The following KALRN variants were observed in gnomAD, a reference collection of about 807,000 sequenced individuals.
KALRN encodes the protein kalirin RhoGEF kinase.
A neutral mutation model predicts 353.7 loss-of-function variants in KALRN; 70 were observed. That is an observed-to-expected ratio of 0.20 (90% confidence interval 0.16 to 0.24). KALRN has a LOEUF of 0.24. KALRN is among the 10% of genes least tolerant of loss of function. KALRN has a pLI of 1.00. For synonymous variants in KALRN, 1,391 were observed against 1,434.8 expected (o/e 0.97, Z 0.69); for missense variants, 2,791 against 3,756.7 (o/e 0.74, Z 6.72).
chr3:124,159,976 G>A (rs1408708271), intron 1 of KALRN, among the ~76,000 whole-genome samples: 2 of 151,768 alleles, frequency 1.3e-5, no homozygotes, highest in African/African-American at 2.4e-5. Flanking sequence ...AAACGAAAAC[G>A]AAACCCAAAG....
intron 4 of KALRN, among the ~76,000 whole-genome samples, chr3:124,267,458 G>A (rs899595027): frequency 1.3e-5 from 2 of 152,182 alleles, no homozygotes; most frequent in East Asian, 1.9e-4. Context: ...AGATTAGCAG[G>A]AGTTTGCAAC....
intron 1 of KALRN, among the ~76,000 whole-genome samples, chr3:124,146,505 A>G (rs2067343936): frequency 6.6e-6 from 1 of 152,144 alleles, no homozygotes; most frequent in Non-Finnish European, 1.5e-5. Context: ...GAAGCACTGG[A>G]CTGGAAATTT....
intron 12 of KALRN, among the ~76,000 whole-genome samples, chr3:124,395,934 T>C (rs183982221): frequency 6.6e-6 from 1 of 152,346 alleles, no homozygotes; most frequent in East Asian, 1.9e-4. Flanking sequence ...AAATCCTGTC[T>C]AAAATTTTTC....
intron 1 of KALRN, among the ~76,000 whole-genome samples, chr3:124,142,604 T>G (rs1489925329): frequency 2.6e-5 from 4 of 152,160 alleles, no homozygotes; most frequent in African/African-American, 2.4e-5. Context: ...CCCTACAGTA[T>G]TCTGCCTAGC....
At chr3:124,586,416 G>C (rs2075189482) in intron 34 of KALRN, among the ~76,000 whole-genome samples, 1 of 152,166 alleles carries the variant, frequency 6.6e-6, no homozygotes, top group Non-Finnish European at 1.5e-5. Context: ...CTGCCTCCTT[G>C]AGTCCAGATG....
intron 1 of KALRN, among the ~76,000 whole-genome samples, chr3:124,109,230 T>C (rs1355903328): frequency 2.0e-5 from 3 of 152,146 alleles, no homozygotes; most frequent in Non-Finnish European, 4.4e-5. Flanking sequence ...AGATCTCAAC[T>C]GATTGTATGT....
rs375488424 is a variant in KALRN, at chr3:124,488,171, G to T, written c.4285-33G>T. On this transcript the variant is annotated intron_variant, in intron 28 of 59. Transcript: ENST00000682506. ...TGGTGGGAGGAAGCTGGGGGAGATG[G>T]CCCTAATTATGTCCGGACTTTTTTT... 81 of 1,352,890 alleles carry T rather than the reference G, an allele frequency of 6.0e-5. No individual in the cohort carries two copies. The Middle Eastern group carries it at 7.2e-4, about 12-fold the overall frequency. The allele number at this position is 1,352,890 out of a possible 1,614,324, so 83.8% of individuals were successfully genotyped here.
At chr3:124,565,865 G>A (rs2072745630) in intron 34 of KALRN, among the ~76,000 whole-genome samples, 1 of 152,194 alleles carries the variant, frequency 6.6e-6, no homozygotes, top group African/African-American at 2.4e-5. Context: ...TTCAGGGTAA[G>A]AATTGCACAG....
At chr3:124,635,056 G>C (rs2081207113) in intron 36 of KALRN, among the ~76,000 whole-genome samples, 2 of 152,182 alleles carry the variant, frequency 1.3e-5, no homozygotes, top group South Asian at 4.1e-4. Flanking sequence ...AGATGTGGCA[G>C]CTGCCCCCAT....
intron 51 of KALRN, 57 bp downstream of exon 51, chr3:124,679,574 C>A: frequency 7.1e-7 from 1 of 1,411,076 alleles, no homozygotes; most frequent in Non-Finnish European, 1.0e-6. Flanking sequence ...TTGATGTGTT[C>A]TGTAACAGTG....
chr3:124,223,362 C>G (rs2078128730), intron 1 of KALRN, among the ~76,000 whole-genome samples: 1 of 152,136 alleles, frequency 6.6e-6, no homozygotes, highest in Admixed American at 6.5e-5. Flanking sequence ...TATGCAGCCT[C>G]TCAGTGACTC....
intron 1 of KALRN, chr3:124,094,846 C>G: frequency 1.2e-6 from 2 of 1,614,094 alleles, no homozygotes; most frequent in Non-Finnish European, 1.7e-6. Context: ...GGATGACGGA[C>G]CGCTTCTGGG....
chr3:124,533,017 T>TTA (rs1293588149), intron 33 of KALRN, among the ~76,000 whole-genome samples: 2 of 148,292 alleles, frequency 1.3e-5, no homozygotes, highest in Non-Finnish European at 3.0e-5. Flanking sequence ...AATAACCTAA[T>TTA]TATATATATA....
At chr3:124,037,262 G>A (rs190717925) in intron 1 of KALRN, among the ~76,000 whole-genome samples, 1 of 152,378 alleles carries the variant, frequency 6.6e-6, no homozygotes, top group Admixed American at 6.5e-5. Flanking sequence ...TTATTGCTAA[G>A]CGTTGTGGTG....
At chr3:124,399,746 T>C (rs1044362077) in intron 13 of KALRN, among the ~76,000 whole-genome samples, 30 of 152,190 alleles carry the variant, frequency 2.0e-4, no homozygotes, top group Non-Finnish European at 8.8e-5. Context: ...AACTCCTCAG[T>C]TTATTTTTGG....
At chr3:124,684,625 C>T (rs1044554684) in intron 51 of KALRN, among the ~76,000 whole-genome samples, 14 of 152,156 alleles carry the variant, frequency 9.2e-5, no homozygotes, top group Middle Eastern at 3.2e-3. Flanking sequence ...GATGTGTAAC[C>T]CTTTGAGCAC....
At chr3:124,712,404 T>C (rs1260023727) in intron 57 of KALRN, among the ~76,000 whole-genome samples, 2 of 152,168 alleles carry the variant, frequency 1.3e-5, no homozygotes, top group Non-Finnish European at 2.9e-5. Flanking sequence ...GCTGTTTCTA[T>C]TGTTGTATTT....
chr3:124,193,152 C>A (rs1322539520), intron 1 of KALRN, among the ~76,000 whole-genome samples: 1 of 152,176 alleles, frequency 6.6e-6, no homozygotes, highest in Non-Finnish European at 1.5e-5. Flanking sequence ...AGGGTGCCAA[C>A]CCCTGTAGAC....
chr3:124,587,698 CTTTTT>C (rs529810541), intron 34 of KALRN, among the ~76,000 whole-genome samples: 97 of 75,856 alleles, frequency 1.3e-3, no homozygotes, highest in African/African-American at 5.4e-3. Context: ...CCACCCTCCA[CTTTTT>C]TTTTTTTTTT....
Sources: allele counts gnomAD v4.1 joint callset (sites outside exome capture counted in the v4.1 genomes callset), GRCh38; gene constraint gnomAD v4.1.1; transcripts MANE v1.5; gene names NCBI Gene and HGNC (gene_info 2026-07-23, HGNC 2026-07-21).